CFAP54: variants seen among roughly 807,000 people sequenced by gnomAD.
The protein encoded by CFAP54 is cilia- and flagella-associated protein 54.
In CFAP54, 290 loss-of-function variants were observed where a neutral mutation model predicts 370.4. That is an observed-to-expected ratio of 0.78 (90% CI 0.71 to 0.86). The LOEUF is 0.86. Among genes scored for constraint, CFAP54 ranks in the 40% least tolerant of loss-of-function variants. The pLI is 0.00. For synonymous variants in CFAP54, 1,206 were observed against 1,236.5 expected (o/e 0.98, Z 0.52); for missense variants, 3,399 against 3,528.7 (o/e 0.96, Z 0.93).
intron 66 of CFAP54, among the ~76,000 whole-genome samples, chr12:96,842,986 T>G (rs1959238697): frequency 6.6e-6 from 1 of 152,222 alleles, no homozygotes. Flanking sequence ...CTGCTAGTGA[T>G]GTATACTGAT....
rs774907863 is a variant in CFAP54 at position 96,534,040 on chromosome 12, G to A, written c.1540-22G>A. The A allele has an allele frequency of 6.9e-5, 104 of 1,505,552 alleles. 2 individuals carry two copies. The Middle Eastern group carries it at 2.2e-3, about 32-fold the overall frequency. The allele number at this position is 1,505,552 out of a possible 1,614,324, so 93.3% of individuals were successfully genotyped here. A position where few individuals can be genotyped will look rare whatever the true frequency, so the allele number is the denominator to read the frequency against. On this transcript the variant is annotated intron_variant, in intron 10 of 67. Transcript: ENST00000524981. Reference sequence around the variant, plus strand: ...AAATGACATCCAATTACTAATTAACGTGTGGGATATACTTCCCCAAGAGGC... The same window carrying A: ...AAATGACATCCAATTACTAATTAACATGTGGGATATACTTCCCCAAGAGGC...
intron 48 of CFAP54, among the ~76,000 whole-genome samples, chr12:96,714,102 G>A (rs181271012): frequency 6.6e-6 from 1 of 152,324 alleles, no homozygotes; most frequent in Admixed American, 6.5e-5. Flanking sequence ...AACGAACAGG[G>A]TGAATATATA....
chr12:96,829,212 A>C (rs1450231539), intron 66 of CFAP54, 124 bp downstream of exon 66: 10 of 496,638 alleles, frequency 2.0e-5, no homozygotes, highest in Non-Finnish European at 3.5e-5. Flanking sequence ...AATGTGAAAA[A>C]GTGATAAACA....
intron 19 of CFAP54, among the ~76,000 whole-genome samples, chr12:96,568,878 C>G (rs1955886415): frequency 1.3e-5 from 2 of 151,328 alleles, no homozygotes; most frequent in South Asian, 4.2e-4. Flanking sequence ...TTGATAATAA[C>G]TCATTAGCTT....
chr12:96,860,853 A>G lies in CFAP54; in HGVS notation c.9206A>G (p.Asn3069Ser), dbSNP rs1359176459. The G allele has an allele frequency of 2.0e-6, 3 of 1,533,822 alleles. No individual in the cohort carries two copies. Among genetic ancestry groups the G allele is most frequent in the Admixed American group, 3.9e-5 (2 of 50,848 alleles). The change falls in exon 67 of 68, where the codon AAT (asparagine) becomes AGT (serine). Residue 3069 changes from asparagine to serine, a missense_variant. Transcript: ENST00000524981. ...PFDISLPSIFNLERLFDLANG... is the reference protein window; with the variant it reads ...PFDISLPSIFSLERLFDLANG... Reference sequence around the variant, plus strand: ...GATATCTCACTGCCGTCTATATTCAATCTTGAGAGACTTTTTGATCTGGCT... The same window carrying G: ...GATATCTCACTGCCGTCTATATTCAGTCTTGAGAGACTTTTTGATCTGGCT...
chr12:96,673,589 A>G (rs1957172157), intron 39 of CFAP54, among the ~76,000 whole-genome samples: 1 of 152,218 alleles, frequency 6.6e-6, no homozygotes, highest in Non-Finnish European at 1.5e-5. Context: ...TTTATTTGGC[A>G]AAGTTTTAGA....
intron 66 of CFAP54, among the ~76,000 whole-genome samples, chr12:96,859,847 A>G (rs1304422267): frequency 6.6e-6 from 1 of 152,194 alleles, no homozygotes; most frequent in Non-Finnish European, 1.5e-5. Flanking sequence ...GAAAAAAACC[A>G]TCTGGAAGGA....
intron 66 of CFAP54, among the ~76,000 whole-genome samples, chr12:96,839,350 T>C (rs1000265853): frequency 5.3e-5 from 8 of 152,216 alleles, no homozygotes; most frequent in African/African-American, 1.9e-4. Context: ...ATTACTCTCA[T>C]TTAAGAGCTA....
At chr12:96,673,593 T>G (rs11612669) in intron 39 of CFAP54, among the ~76,000 whole-genome samples, 2,270 of 152,298 alleles carry the variant, frequency 0.015, 32 homozygotes, top group East Asian at 0.047. Context: ...TTTGGCAAAG[T>G]TTTAGAATGC....
intron 58 of CFAP54, among the ~76,000 whole-genome samples, chr12:96,759,545 T>C (rs1235320476): frequency 2.6e-5 from 4 of 152,308 alleles, no homozygotes; most frequent in Non-Finnish European, 5.9e-5. Flanking sequence ...CCAAAACCAA[T>C]TTAAAAAATT....
Position 96,734,455 on chromosome 12 carries a change from A to G in CFAP54, c.6966-5501A>G, listed in dbSNP as rs555450943. On this transcript the variant is annotated intron_variant, in intron 50 of 67. Coordinates refer to ENST00000524981, the MANE Select transcript of CFAP54 (RefSeq NM_001306084.2). ...CCCTGGCCCATAGCAGATGCTCCATATGTACTTTTGGATTATTATAAGGAT... is the reference window on the plus strand; with the variant it reads ...CCCTGGCCCATAGCAGATGCTCCATGTGTACTTTTGGATTATTATAAGGAT... Among the ~76,000 whole-genome samples the G allele has an allele frequency of 2.0e-5, 3 of 152,248 alleles. No homozygotes were observed. The South Asian group carries it at 6.2e-4, about 32-fold the overall frequency.
chr12:96,617,959 C>T (rs1293477168), intron 26 of CFAP54, among the ~76,000 whole-genome samples: 1 of 134,954 alleles, frequency 7.4e-6, no homozygotes, highest in South Asian at 2.3e-4. Context: ...CACTGTACTC[C>T]AGCCTGGGCA....
In CFAP54 at chr12:96,784,801, A is replaced by T. The variant is rs774475237; in HGVS notation, c.8366A>T (p.Lys2789Met). 203 of 1,534,648 alleles carry T rather than the reference A, an allele frequency of 1.3e-4. No homozygotes were observed. Among genetic ancestry groups the T allele is most frequent in the Middle Eastern group, 6.7e-4 (4 of 6,008 alleles). Residue 2789 changes from lysine to methionine, a missense_variant, in exon 61 of 68, where the codon AAG (lysine) becomes ATG (methionine). Around this residue, in one of 3 missense-constraint regions of CFAP54, gnomAD observed 2,796 missense variants for 2,869.7 expected, o/e 0.97. Coordinates refer to ENST00000524981, the MANE Select transcript of CFAP54 (RefSeq NM_001306084.2). ...DVCDSADGRK[K>M]TQTKVDITWI... ...TGTGACAGCGCAGATGGTAGAAAAA[A>T]GACTCAGACCAAAGTGGATATTACA...
intron 36 of CFAP54, among the ~76,000 whole-genome samples, chr12:96,652,079 C>T (rs530895486): frequency 1.8e-4 from 28 of 152,218 alleles, no homozygotes; most frequent in South Asian, 6.2e-4. Flanking sequence ...TGCCTTAATA[C>T]ACTTAATCCT....
At chr12:96,794,862 G>A (rs140622994) in intron 63 of CFAP54, among the ~76,000 whole-genome samples, 12 of 152,228 alleles carry the variant, frequency 7.9e-5, no homozygotes, top group African/African-American at 2.9e-4. Flanking sequence ...TCTCATTTGG[G>A]TAGACTAGGT....
At chr12:96,854,446 A>G (rs181011308) in intron 66 of CFAP54, among the ~76,000 whole-genome samples, 1 of 152,338 alleles carries the variant, frequency 6.6e-6, no homozygotes, top group African/African-American at 2.4e-5. Context: ...ACATATTTGG[A>G]AAGTAATTCT....
At chr12:96,790,785 G>A (rs1026492197) in intron 62 of CFAP54, among the ~76,000 whole-genome samples, 8 of 152,016 alleles carry the variant, frequency 5.3e-5, no homozygotes, top group African/African-American at 1.9e-4. Flanking sequence ...TTAGAAGCAA[G>A]GATTCTGGTT....
intron 63 of CFAP54, among the ~76,000 whole-genome samples, chr12:96,792,757 CT>C (rs1160479101): frequency 1.3e-5 from 2 of 151,640 alleles, no homozygotes; most frequent in African/African-American, 2.4e-5. Flanking sequence ...TGATGCTTAA[CT>C]TTTTTTTGGT....
intron 50 of CFAP54, among the ~76,000 whole-genome samples, chr12:96,738,763 A>C (rs1958012684): frequency 6.6e-6 from 1 of 151,924 alleles, no homozygotes; most frequent in Non-Finnish European, 1.5e-5. Context: ...GACGCGTGCC[A>C]CCACGCCTGG....
Sources: gnomAD v4.1 joint callset for allele counts (sites outside exome capture counted in the v4.1 genomes callset) on GRCh38, gnomAD v4.1.1 for gene constraint, gnomAD v4.1.1 regional missense constraint, MANE v1.5 for transcripts, NCBI Gene and HGNC (gene_info 2026-07-23, HGNC 2026-07-21) for gene names.